The following WWOX variants were observed in gnomAD, a reference collection of about 807,000 sequenced individuals.
WWOX encodes the protein WW domain-containing oxidoreductase.
Under a neutral mutation model 46.2 loss-of-function variants are expected in WWOX, and 69 were observed. That is an observed-to-expected ratio of 1.49 (90% CI 1.23 to 1.82). WWOX has a LOEUF of 1.82. WWOX is among the 40% of genes most tolerant of loss of function. The pLI, the probability that WWOX is intolerant of heterozygous loss-of-function variation, is 0.00. For synonymous variants in WWOX, 359 were observed against 202.6 expected (o/e 1.77, Z -6.56); for missense variants, 919 against 542.6 (o/e 1.69, Z -6.89).
At chr16:78,355,467 T>G (rs972823193) in intron 5 of WWOX, 1 of 325,240 alleles carries the variant, frequency 3.1e-6, no homozygotes, top group Non-Finnish European at 6.1e-6. Context: ...CCTGGCGTGG[T>G]GGCGGGCACC....
chr16:78,902,515 G>C (rs943318015), intron 8 of WWOX, among the ~76,000 whole-genome samples: 1 of 152,244 alleles, frequency 6.6e-6, no homozygotes, highest in Non-Finnish European at 1.5e-5. Flanking sequence ...TTGTTAGACT[G>C]CGGCTTTCCA....
intron 4 of WWOX, among the ~76,000 whole-genome samples, chr16:78,116,712 C>G (rs760389678): frequency 6.6e-6 from 1 of 152,092 alleles, no homozygotes; most frequent in Non-Finnish European, 1.5e-5. Context: ...AATGCATGGA[C>G]CCATACAATT....
chr16:78,865,352 A>C (rs536694141), intron 8 of WWOX, among the ~76,000 whole-genome samples: 1 of 152,154 alleles, frequency 6.6e-6, no homozygotes, highest in Non-Finnish European at 1.5e-5. Context: ...GATTTCCTTA[A>C]AAGAAGTACG....
At chr16:78,704,560 C>T (rs1186031578) in intron 8 of WWOX, among the ~76,000 whole-genome samples, 1 of 152,184 alleles carries the variant, frequency 6.6e-6, no homozygotes, top group Non-Finnish European at 1.5e-5. Context: ...TTACGAAACT[C>T]TAATCCATAA....
chr16:78,846,691 A>AT (rs1163448680), intron 8 of WWOX, among the ~76,000 whole-genome samples: 2 of 152,026 alleles, frequency 1.3e-5, no homozygotes, highest in African/African-American at 2.4e-5. Context: ...GTAAAGGATC[A>AT]TTTTTTTCCT....
intron 8 of WWOX, among the ~76,000 whole-genome samples, chr16:78,695,371 C>A (rs1023584960): frequency 3.3e-5 from 5 of 152,116 alleles, no homozygotes; most frequent in Non-Finnish European, 7.3e-5. Context: ...AAGCAGGAAA[C>A]AATGAATGAG....
chr16:78,945,090 G>C (rs1478966423), intron 8 of WWOX, among the ~76,000 whole-genome samples: 4 of 152,214 alleles, frequency 2.6e-5, no homozygotes, highest in African/African-American at 9.6e-5. Context: ...TGAGGTAAGG[G>C]GATTGCTGGA....
chr16:79,161,648 G>C (rs893478902), intron 8 of WWOX, among the ~76,000 whole-genome samples: 8 of 151,988 alleles, frequency 5.3e-5, no homozygotes, highest in African/African-American at 1.9e-4. Context: ...TCAGCTTCCC[G>C]AGTAGCTGGG....
chr16:78,865,175 G>C (rs376687780), intron 8 of WWOX, among the ~76,000 whole-genome samples: 1 of 152,130 alleles, frequency 6.6e-6, no homozygotes, highest in East Asian at 1.9e-4. Flanking sequence ...GCTAAAGGTT[G>C]TATGTTTGTG....
At chr16:78,610,439 C>T (rs576607517) in intron 8 of WWOX, among the ~76,000 whole-genome samples, 45 of 152,216 alleles carry the variant, frequency 3.0e-4, no homozygotes, top group Admixed American at 2.2e-3. Context: ...TGTCTTTGAA[C>T]GAGGAGCTCA....
At chr16:78,927,455 G>C (rs1008952208) in intron 8 of WWOX, among the ~76,000 whole-genome samples, 2 of 152,020 alleles carry the variant, frequency 1.3e-5, no homozygotes, top group Non-Finnish European at 1.5e-5. Flanking sequence ...ATTCTCTGTG[G>C]GTAAAAGTTC....
intron 8 of WWOX, among the ~76,000 whole-genome samples, chr16:78,755,999 T>C (rs2049636814): frequency 6.6e-6 from 1 of 152,190 alleles, no homozygotes; most frequent in Non-Finnish European, 1.5e-5. Flanking sequence ...TTTGCTTGTA[T>C]GACCAAGTCT....
chr16:78,804,216 C>T (rs1284432386), intron 8 of WWOX, among the ~76,000 whole-genome samples: 1 of 152,138 alleles, frequency 6.6e-6, no homozygotes, highest in East Asian at 1.9e-4. Context: ...TCCTCTATGC[C>T]TTCCCCTGAA....
At chr16:78,820,795 T>A (rs1432235020) in intron 8 of WWOX, among the ~76,000 whole-genome samples, 3 of 152,174 alleles carry the variant, frequency 2.0e-5, no homozygotes, top group Non-Finnish European at 4.4e-5. Context: ...TGGGGTTCGT[T>A]CCTTCTGGAA....
intron 8 of WWOX, among the ~76,000 whole-genome samples, chr16:79,062,244 G>A (rs1297951352): frequency 1.3e-5 from 2 of 152,078 alleles, no homozygotes; most frequent in East Asian, 3.8e-4. Flanking sequence ...AACCATAATG[G>A]GACATATCAT....
chr16:78,418,597 A>G (rs60325022), intron 6 of WWOX, among the ~76,000 whole-genome samples: 2,249 of 152,266 alleles, frequency 0.015, 48 homozygotes, highest in East Asian at 0.063. Flanking sequence ...TATACAAAGA[A>G]TTGTATATTA....
At chr16:78,236,665 C>G (rs575981663) in intron 5 of WWOX, among the ~76,000 whole-genome samples, 33 of 152,268 alleles carry the variant, frequency 2.2e-4, no homozygotes, top group Middle Eastern at 6.8e-3. Context: ...AACCATGAAC[C>G]TGTATATCAA....
At chr16:78,306,875 A>T (rs1024526875) in intron 5 of WWOX, among the ~76,000 whole-genome samples, 1 of 151,962 alleles carries the variant, frequency 6.6e-6, no homozygotes, top group Non-Finnish European at 1.5e-5. Context: ...CCTTCCCACA[A>T]TTCCCAGTGA....
intron 8 of WWOX, among the ~76,000 whole-genome samples, chr16:78,884,229 G>T (rs1458298150): frequency 7.1e-6 from 1 of 140,798 alleles, no homozygotes; most frequent in Non-Finnish European, 1.5e-5. Context: ...GCTGTGATTA[G>T]GTCCCTGCAC....
Sources: gnomAD v4.1 joint callset for allele counts (sites outside exome capture counted in the v4.1 genomes callset) on GRCh38, gnomAD v4.1.1 for gene constraint, MANE v1.5 for transcripts, NCBI Gene and HGNC (gene_info 2026-07-23, HGNC 2026-07-21) for gene names.